The following IGDCC3 variants were observed in gnomAD, a reference collection of about 807,000 sequenced individuals.
IGDCC3 encodes the protein immunoglobulin superfamily DCC subclass member 3.
In IGDCC3, 47 loss-of-function variants were observed where a neutral mutation model predicts 72.0. That is an observed-to-expected ratio of 0.65 (90% confidence interval 0.52 to 0.83). The LOEUF (loss-of-function observed/expected upper bound fraction) is 0.83. Ranked by LOEUF, IGDCC3 falls within the 40% of genes least tolerant of loss-of-function variation. IGDCC3 has a pLI of 0.00. For synonymous variants in IGDCC3, 477 were observed against 472.8 expected (o/e 1.01, Z -0.11); for missense variants, 1,038 against 1,091.3 (o/e 0.95, Z 0.69).
At chr15:65,356,848 C>CTTTTTTTTTTTGTTTTTT (rs2091225330) in intron 2 of IGDCC3, among the ~76,000 whole-genome samples, 1 of 70,898 alleles carries the variant, frequency 1.4e-5, no homozygotes, top group Non-Finnish European at 2.6e-5. Flanking sequence ...AATGGACCTG[C>CTTTTTTTTTTTGTTTTTT]TTTTTTTTTT....
intron 1 of IGDCC3, among the ~76,000 whole-genome samples, chr15:65,376,159 G>A (rs1333043335): frequency 6.6e-6 from 1 of 152,172 alleles, no homozygotes; most frequent in African/African-American, 2.4e-5. Flanking sequence ...GAGAGATGAA[G>A]AGTAGCAAAC....
chr15:65,331,461 G>C lies in IGDCC3; in HGVS notation c.1347C>G (p.Ala449=). The C allele has an allele frequency of 6.2e-7, 1 of 1,613,142 alleles. No individual in the cohort carries two copies. The highest frequency in any genetic ancestry group is 8.5e-7 in the Non-Finnish European group (1 of 1,179,640). Residue 449 remains alanine (A), a synonymous_variant, in exon 8 of 14, where the codon GCC becomes GCG. Coordinates refer to ENST00000327987, the MANE Select transcript of IGDCC3 (RefSeq NM_004884.4). ...EVRVSWSEPL[A]NTKEIIGYVL... is the part of the protein sequence containing the mutation. ...CGTAGCCGATGATCTCCTTGGTGTT[G>C]GCCAGCGGCTCACTCCAGGACACAC...
intron 2 of IGDCC3, among the ~76,000 whole-genome samples, chr15:65,346,820 G>T (rs1360064527): frequency 6.6e-6 from 1 of 152,148 alleles, no homozygotes; most frequent in Non-Finnish European, 1.5e-5. Context: ...CCCTCTTTGA[G>T]CCTCTTTTCC....
intron 2 of IGDCC3, among the ~76,000 whole-genome samples, chr15:65,361,797 C>T (rs1595762958): frequency 6.6e-6 from 1 of 152,214 alleles, no homozygotes; most frequent in Admixed American, 6.5e-5. Context: ...AGGATCCCAC[C>T]GCCGTGCTGG....
intron 5 of IGDCC3, 122 bp from the exon 6 acceptor site, chr15:65,333,537 C>T: frequency 1.1e-6 from 1 of 894,786 alleles, no homozygotes; most frequent in Non-Finnish European, 1.6e-6. Flanking sequence ...CAGTCTTTGA[C>T]TCTGCCCCTT....
In IGDCC3 at chr15:65,335,919, C is replaced by T; in HGVS notation, c.447G>A (p.Val149=). The part of the protein sequence containing the change: ...SDFHVHPQAT[V]GEEGGVARFQ... Reference sequence around the variant, plus strand: ...AGCGGGCCACACCACCCTCCTCACCCACGGTGGCCTGGGGATGCACGTGGA... The same window carrying T: ...AGCGGGCCACACCACCCTCCTCACCTACGGTGGCCTGGGGATGCACGTGGA... The change falls in exon 3 of 14, where the codon GTG becomes GTA. Residue 149 remains valine, a synonymous_variant. Coordinates refer to ENST00000327987, the MANE Select transcript of IGDCC3 (RefSeq NM_004884.4). 2 of 1,614,144 alleles carry T rather than the reference C, an allele frequency of 1.2e-6. No individual in the cohort carries two copies. Among genetic ancestry groups the T allele is most frequent in the Non-Finnish European group, 1.7e-6 (2 of 1,179,992 alleles).
intron 2 of IGDCC3, among the ~76,000 whole-genome samples, chr15:65,345,930 A>G (rs2140151096): frequency 6.6e-6 from 1 of 152,322 alleles, no homozygotes; most frequent in South Asian, 2.1e-4. Flanking sequence ...TACCTTCATC[A>G]CAAAGCTGTC....
intron 2 of IGDCC3, among the ~76,000 whole-genome samples, chr15:65,337,879 G>A (rs1409268405): frequency 6.6e-6 from 1 of 152,238 alleles, no homozygotes. Context: ...CTGGGGTGGG[G>A]ACTAATGGCT....
intron 2 of IGDCC3, among the ~76,000 whole-genome samples, chr15:65,345,699 C>G (rs2091119524): frequency 6.6e-6 from 1 of 152,184 alleles, no homozygotes; most frequent in Non-Finnish European, 1.5e-5. Flanking sequence ...TCTTAGGTCA[C>G]TGTCACAGTA....
At chr15:65,331,845 T>C (rs927459653) in intron 7 of IGDCC3, 96 bp downstream of exon 7, 308 of 1,449,820 alleles carry the variant, frequency 2.1e-4, no homozygotes, top group Non-Finnish European at 4.0e-5. Flanking sequence ...TGCTCTTCCC[T>C]GGCAGGAGGT....
In IGDCC3 at chr15:65,339,754, G is replaced by C. The variant is rs1351254478; in HGVS notation, c.410-3798C>G. ...GCATTGAGTATTTATGTCTGGTGTT[G>C]GTGGTATTGTGTCTGTGGCTGGTGC... On this transcript the variant is annotated intron_variant, in intron 2 of 13. Coordinates refer to ENST00000327987, the MANE Select transcript of IGDCC3 (RefSeq NM_004884.4). The surrounding 1 kb of genome is among the most constrained non-coding windows in gnomAD (Gnocchi z 4.1). Among the ~76,000 whole-genome samples, 1 of 152,220 alleles carries C rather than the reference G, an allele frequency of 6.6e-6. No individual in the cohort carries two copies. The highest frequency in any genetic ancestry group is 2.4e-5 in the African/African-American group (1 of 41,450).
chr15:65,355,835 G>A, intron 2 of IGDCC3: 5 of 428,386 alleles, frequency 1.2e-5, no homozygotes, highest in South Asian at 8.1e-5. Context: ...GCTGGGGCGA[G>A]CGAGGCACCA....
intron 2 of IGDCC3, among the ~76,000 whole-genome samples, chr15:65,357,404 T>A (rs751195835): frequency 6.6e-6 from 1 of 152,240 alleles, no homozygotes; most frequent in Non-Finnish European, 1.5e-5. Flanking sequence ...TTGACACATA[T>A]CACAGAGCCC....
chr15:65,358,166 C>T (rs2091238060), intron 2 of IGDCC3, among the ~76,000 whole-genome samples: 1 of 149,596 alleles, frequency 6.7e-6, no homozygotes, highest in Non-Finnish European at 1.5e-5. Flanking sequence ...AGTACGGTGG[C>T]GTGATTTCAG....
chr15:65,367,594 C>T (rs1352505958), intron 2 of IGDCC3, among the ~76,000 whole-genome samples: 1 of 152,076 alleles, frequency 6.6e-6, no homozygotes, highest in African/African-American at 2.4e-5. Flanking sequence ...GCTACGGCCA[C>T]ACCCAAACAC....
chr15:65,369,847 G>A (rs888693592), intron 2 of IGDCC3, among the ~76,000 whole-genome samples: 11 of 152,016 alleles, frequency 7.2e-5, no homozygotes, highest in African/African-American at 2.7e-4. Flanking sequence ...GCTCCTGCCC[G>A]CAGTTCTCCT....
chr15:65,371,738 G>A (rs1445163828), intron 2 of IGDCC3, among the ~76,000 whole-genome samples: 3 of 152,188 alleles, frequency 2.0e-5, no homozygotes, highest in Non-Finnish European at 4.4e-5. Context: ...GCAGGGACTC[G>A]GGGTAGGTCC....
Position 65,334,825 on chromosome 15 carries a change from C to T in IGDCC3, c.726G>A (p.Val242=). Residue 242 remains valine, a synonymous_variant, in exon 5 of 14, where the codon GTG becomes GTA. Coordinates refer to ENST00000327987, the MANE Select transcript of IGDCC3 (RefSeq NM_004884.4). ...CTGTCAGGGTGAGGTTCTCAGGCCC[C>T]ACGAGGATGGCTGGCTCCTTGTAGG... ...SGAYKEPAIL[V]GPENLTLTVH... 6.2e-7 allele frequency: 1 copy of T among 1,613,282 alleles called. No individual in the cohort carries two copies. Among genetic ancestry groups the T allele is most frequent in the Non-Finnish European group, 8.5e-7 (1 of 1,179,680 alleles).
Position 65,377,660 on chromosome 15 carries a change from G to A in IGDCC3, c.103+26C>T, listed in dbSNP as rs1595769060. 3.5e-6 allele frequency: 5 copies of A among 1,430,810 alleles called. No homozygotes were observed. Among genetic ancestry groups the A allele is most frequent in the Admixed American group, 2.6e-5 (1 of 38,670 alleles). 88.6% of individuals were successfully genotyped at this position (1,430,810 alleles called of 1,614,324 possible). A position where few individuals can be genotyped will look rare whatever the true frequency, so the allele number is the denominator to read the frequency against. ...CCTTCCCCTGGCTCCGTCCGCAACC[G>A]CCCGGTCCGGGGCGCTTTCACTCAC... On this transcript the variant is annotated intron_variant, in intron 1 of 13. Transcript: ENST00000327987. This position sits in a 1 kb window ranked among gnomAD's most constrained non-coding sequence, Gnocchi z 4.9.
Sources: allele counts gnomAD v4.1 joint callset (sites outside exome capture counted in the v4.1 genomes callset), GRCh38; gene constraint gnomAD v4.1.1; non-coding constraint Gnocchi (gnomAD v3.1); transcripts MANE v1.5; gene names NCBI Gene and HGNC (gene_info 2026-07-23, HGNC 2026-07-21).